Variants in WNT8B observed in about 807,000 individuals in gnomAD.
The protein encoded by WNT8B is Wnt family member 8B, also known as protein Wnt-8b.
In WNT8B, 24 loss-of-function variants were observed where a neutral mutation model predicts 36.6. That is an observed-to-expected ratio of 0.66 (90% confidence interval 0.48 to 0.92). The LOEUF (loss-of-function observed/expected upper bound fraction) is 0.92, where lower values mean the gene tolerates loss of function less well. WNT8B is among the 40% of genes least tolerant of loss of function. The probability of loss-of-function intolerance (pLI) is 0.00; values close to 1 mark genes in which losing one functional copy is unlikely to be tolerated. For missense variants in WNT8B, 402 were observed against 470.8 expected (o/e 0.85, Z 1.35); for synonymous variants, 199 against 189.8 (o/e 1.05, Z -0.40).
chr10:100,481,830 C>A, intron 4 of WNT8B, 82 bp from the exon 5 acceptor site: 1 of 1,565,940 alleles, frequency 6.4e-7, no homozygotes. Context: ...ACCCCCCCAC[C>A]CCCAACCCAA....
chr10:100,478,902 T>A, intron 1 of WNT8B, 150 bp from the exon 2 acceptor site: 1 of 632,700 alleles, frequency 1.6e-6, no homozygotes. Flanking sequence ...CTTTAGTAGG[T>A]TTGTTATGCA....
Position 100,479,955 on chromosome 10 carries a change from C to A in WNT8B, c.184C>A (p.Arg62Ser). 6.2e-7 allele frequency: 1 copy of A among 1,613,930 alleles called. No individual in the cohort carries two copies. The highest frequency in any genetic ancestry group is 8.5e-7 in the Non-Finnish European group (1 of 1,179,924). The change falls in exon 3 of 6, where the codon CGC (arginine) becomes AGC (serine). Residue 62 changes from arginine (R) to serine (S), a missense_variant. By Grantham distance (110) the Arg-to-Ser change is moderately radical. Coordinates refer to ENST00000343737, the MANE Select transcript of WNT8B (RefSeq NM_003393.4). ...ATGCAAGTATCAGTTTGCCTGGGAC[C>A]GCTGGAACTGCCCTGAGAGAGCCCT... ...EECKYQFAWD[R>S]WNCPERALQL...
Position 100,479,935 on chromosome 10 carries a change from A to T in WNT8B, c.164A>T (p.Lys55Met), listed in dbSNP as rs781659587. 4 of 1,613,980 alleles carry T rather than the reference A, an allele frequency of 2.5e-6. No individual in the cohort carries two copies. The highest frequency in any genetic ancestry group is 3.4e-6 in the Non-Finnish European group (4 of 1,179,938). The change falls in exon 3 of 6, where the codon AAG becomes ATG. Residue 55 changes from lysine (K) to methionine (M), a missense_variant. Lys to Met is a moderately conservative substitution (Grantham distance 95). Coordinates refer to ENST00000343737, the MANE Select transcript of WNT8B (RefSeq NM_003393.4). ...AGAQSGIEECKYQFAWDRWNC... is the reference protein window; with the variant it reads ...AGAQSGIEECMYQFAWDRWNC... ...GCCCAGAGTGGTATTGAAGAATGCA[A>T]GTATCAGTTTGCCTGGGACCGCTGG...
chr10:100,472,312 G>A (rs770550812), intron 1 of WNT8B, among the ~76,000 whole-genome samples: 63 of 151,556 alleles, frequency 4.2e-4, no homozygotes, highest in Non-Finnish European at 6.9e-4. Flanking sequence ...GGGTTTCACC[G>A]TGGTCTCGAT....
Position 100,482,635 on chromosome 10 carries a change from G to A in WNT8B, c.875G>A (p.Gly292Glu), listed in dbSNP as rs1393136473. Residue 292 changes from glycine to glutamate, a missense_variant, in exon 6 of 6, where the codon GGG becomes GAG. Gly to Glu is a moderately conservative substitution (Grantham distance 98, BLOSUM62 -2). This residue lies in a region of WNT8B where 256 missense variants were observed against 278.6 expected (regional missense o/e 0.92). Coordinates refer to ENST00000343737, the MANE Select transcript of WNT8B (RefSeq NM_003393.4). The surrounding 1 kb of genome is among the most constrained non-coding windows in gnomAD (Gnocchi z 6.6). The part of the protein sequence containing the change: ...WERRSCRRLC[G>E]DCGLAVEERR... Reference sequence around the variant, plus strand: ...CGCCGCAGCTGCCGCCGGCTCTGCGGGGACTGCGGGCTGGCGGTGGAGGAG... The same window carrying A: ...CGCCGCAGCTGCCGCCGGCTCTGCGAGGACTGCGGGCTGGCGGTGGAGGAG... 5.0e-6 allele frequency: 8 copies of A among 1,603,834 alleles called. No homozygotes were observed. Among genetic ancestry groups the A allele is most frequent in the Non-Finnish European group, 6.8e-6 (8 of 1,178,136 alleles).
intron 1 of WNT8B, among the ~76,000 whole-genome samples, chr10:100,468,125 G>C (rs1850931767): frequency 6.6e-6 from 1 of 152,190 alleles, no homozygotes; most frequent in Non-Finnish European, 1.5e-5. Flanking sequence ...TTGGAGCTGT[G>C]GTTAATTAGC....
Position 100,482,280 on chromosome 10 carries a change from G to T in WNT8B, c.520G>T (p.Gly174Cys). 1 of 1,586,416 alleles carries T rather than the reference G, an allele frequency of 6.3e-7. No individual in the cohort carries two copies. The highest frequency in any genetic ancestry group is 1.7e-4 in the Middle Eastern group (1 of 5,982). ...CTAGCTCTCTCCCCAGGCGGTGAAG[G>T]GCACCATGAAACGCACGTGCAAGTG... Reference protein sequence around the residue: ...NNEAGRKAVKGTMKRTCKCHG... With the variant: ...NNEAGRKAVKCTMKRTCKCHG... The change falls in exon 6 of 6, where the codon GGC becomes TGC. Residue 174 changes from glycine to cysteine, a missense_variant. By Grantham distance (159) the Gly-to-Cys change is radical. Around this residue, in one of 3 missense-constraint regions of WNT8B, gnomAD observed 256 missense variants for 278.6 expected, o/e 0.92. Transcript: ENST00000343737. This position sits in a 1 kb window ranked among gnomAD's most constrained non-coding sequence, Gnocchi z 6.6.
chr10:100,476,532 C>T (rs1249074089), intron 1 of WNT8B, among the ~76,000 whole-genome samples: 1 of 152,156 alleles, frequency 6.6e-6, no homozygotes, highest in Non-Finnish European at 1.5e-5. Flanking sequence ...ATTTCATTTC[C>T]AATCCCCTTT....
Position 100,482,466 on chromosome 10 carries a change from G to A in WNT8B, c.706G>A (p.Asp236Asn), listed in dbSNP as rs1416686406. ...NSAAGRGAIADTFRSISTREL... is the reference protein window; with the variant it reads ...NSAAGRGAIANTFRSISTREL... ...CGCGGCCGGCCGCGGCGCCATCGCC[G>A]ACACCTTTCGCTCCATCTCTACCCG... Residue 236 changes from aspartate to asparagine, a missense_variant, in exon 6 of 6, where the codon GAC (aspartate) becomes AAC (asparagine). Around this residue, in one of 3 missense-constraint regions of WNT8B, gnomAD observed 256 missense variants for 278.6 expected, o/e 0.92. Transcript: ENST00000343737. The surrounding 1 kb of genome is among the most constrained non-coding windows in gnomAD (Gnocchi z 6.6). The A allele has an allele frequency of 2.5e-6, 4 of 1,603,976 alleles. No homozygotes were observed. In the South Asian group the frequency reaches 3.3e-5, roughly 13 times the overall value.
intron 1 of WNT8B, among the ~76,000 whole-genome samples, chr10:100,475,153 TTG>T (rs1851023088): frequency 6.6e-6 from 1 of 151,986 alleles, no homozygotes; most frequent in Non-Finnish European, 1.5e-5. Context: ...GACAGGAGAA[TTG>T]CTTGAACTCG....
At chr10:100,469,928 G>A (rs1850955087) in intron 1 of WNT8B, among the ~76,000 whole-genome samples, 1 of 152,164 alleles carries the variant, frequency 6.6e-6, no homozygotes, top group Non-Finnish European at 1.5e-5. Flanking sequence ...GAACCTTCCA[G>A]CTATAGCCCC....
Position 100,482,170 on chromosome 10 carries a change from C to A in WNT8B, c.511-101C>A. ...TTGGCAAAATGAGGTACCAAGTGGG[C>A]TGGCCCAGTAGACTAACTAGACTTC... On this transcript the variant is annotated intron_variant, in intron 5 of 5. Transcript: ENST00000343737. This position sits in a 1 kb window ranked among gnomAD's most constrained non-coding sequence, Gnocchi z 6.6. 6.5e-7 allele frequency: 1 copy of A among 1,550,328 alleles called. No homozygotes were observed. The highest frequency in any genetic ancestry group is 8.7e-7 in the Non-Finnish European group (1 of 1,150,018).
In WNT8B at chr10:100,483,026, C is replaced by G. The variant is rs147561045; in HGVS notation, c.*210C>G. ...TAGAGCTCTGTCTGAATCCTCGCAGCCACACCTAGGTCTGAGAACTCAGGC... is the reference window on the plus strand; with the variant it reads ...TAGAGCTCTGTCTGAATCCTCGCAGGCACACCTAGGTCTGAGAACTCAGGC... On this transcript the variant is annotated 3_prime_UTR_variant, in exon 6 of 6. Coordinates refer to ENST00000343737, the MANE Select transcript of WNT8B (RefSeq NM_003393.4). 87 of 539,772 alleles carry G rather than the reference C, an allele frequency of 1.6e-4. No individual in the cohort carries two copies. In the African/African-American group the frequency reaches 1.6e-3, roughly 10 times the overall value. 33.4% of individuals were successfully genotyped at this position (539,772 alleles called of 1,614,324 possible).
intron 2 of WNT8B, among the ~76,000 whole-genome samples, chr10:100,479,437 T>A (rs976040399): frequency 1.3e-5 from 2 of 152,226 alleles, no homozygotes; most frequent in African/African-American, 2.4e-5. Context: ...TACTACATGA[T>A]CTTTACATTC....
At chr10:100,464,848 C>T (rs1383400316) in intron 1 of WNT8B, among the ~76,000 whole-genome samples, 1 of 152,180 alleles carries the variant, frequency 6.6e-6, no homozygotes, top group Admixed American at 6.5e-5. Context: ...ATTTGTACTT[C>T]ACCAAGAATC....
chr10:100,466,747 A>C (rs1306352379), intron 1 of WNT8B, among the ~76,000 whole-genome samples: 1 of 152,080 alleles, frequency 6.6e-6, no homozygotes, highest in African/African-American at 2.4e-5. Context: ...CCTTCCATGG[A>C]AAGATATTCC....
At chr10:100,464,627 G>T (rs1850891448) in intron 1 of WNT8B, among the ~76,000 whole-genome samples, 1 of 152,136 alleles carries the variant, frequency 6.6e-6, no homozygotes, top group African/African-American at 2.4e-5. Context: ...ACACTGAAAG[G>T]TGGCTGGGTT....
At chr10:100,469,909 A>G (rs375211002) in intron 1 of WNT8B, among the ~76,000 whole-genome samples, 15 of 152,222 alleles carry the variant, frequency 9.9e-5, no homozygotes, top group African/African-American at 3.4e-4. Context: ...AGAAAGCTGC[A>G]TCACTGGAGA....
chr10:100,474,722 G>A (rs891657322), intron 1 of WNT8B, among the ~76,000 whole-genome samples: 3 of 151,842 alleles, frequency 2.0e-5, no homozygotes, highest in Admixed American at 1.3e-4. Flanking sequence ...GCATCACCAC[G>A]CCCAGCTAAT....
Sources: gnomAD v4.1 joint callset for allele counts (sites outside exome capture counted in the v4.1 genomes callset) on GRCh38, gnomAD v4.1.1 for gene constraint, gnomAD v4.1.1 regional missense constraint, Gnocchi (gnomAD v3.1) non-coding constraint, MANE v1.5 for transcripts, NCBI Gene and HGNC (gene_info 2026-07-23, HGNC 2026-07-21) for gene names.